BTG4: variants seen among roughly 807,000 people sequenced by gnomAD.
BTG4 encodes the protein BTG anti-proliferation factor 4.
BTG4 carries 10 observed loss-of-function variants against 19.3 expected under a neutral mutation model. The ratio of observed to expected loss-of-function variants is 0.52; its 90% CI spans 0.32 to 0.88. The LOEUF is 0.88. Among genes scored for constraint, BTG4 ranks in the 40% least tolerant of loss-of-function variants. The probability of loss-of-function intolerance (pLI) is 0.04; values close to 1 mark genes in which losing one functional copy is unlikely to be tolerated. For missense variants in BTG4, 238 were observed against 281.9 expected (o/e 0.84, Z 1.11); for synonymous variants, 91 against 95.7 (o/e 0.95, Z 0.29).
At chr11:111,467,560 C>T in exon 6 of BTG4, 1 of 682,970 alleles carries the variant, frequency 1.5e-6, no homozygotes, top group Non-Finnish European at 2.7e-6. Flanking sequence ...TTTTCAGGCT[C>T]CAGAAATCAC....
chr11:111,429,702 C>T, the BTG4 span, among the ~76,000 whole-genome samples: 6 of 152,148 alleles, frequency 3.9e-5, no homozygotes, highest in South Asian at 1.2e-3. Context: ...GAAACGGGGC[C>T]ACACAATTAG....
intron 4 of BTG4, 105 bp from the exon 5 acceptor site, chr11:111,495,419 G>A: frequency 1.0e-6 from 1 of 963,880 alleles, no homozygotes; most frequent in Non-Finnish European, 1.5e-6. Flanking sequence ...GAGCACAAAT[G>A]AATAGAATTG....
intron 1 of BTG4, among the ~76,000 whole-genome samples, chr11:111,505,786 A>T (rs1866412487): frequency 6.6e-6 from 1 of 152,136 alleles, no homozygotes; most frequent in African/African-American, 2.4e-5. Flanking sequence ...AACAAACATA[A>T]AACAAACCAA....
the BTG4 span, chr11:111,460,410 C>G: frequency 6.6e-6 from 1 of 152,574 alleles, no homozygotes; most frequent in African/African-American, 2.4e-5. Context: ...TTCATTCATT[C>G]ATTCACTCAG....
chr11:111,445,103 G>C, the BTG4 span, among the ~76,000 whole-genome samples: 1 of 152,236 alleles, frequency 6.6e-6, no homozygotes, highest in Non-Finnish European at 1.5e-5. Context: ...GGTTAAGGTT[G>C]CCCTCGTGGT....
the BTG4 span, among the ~76,000 whole-genome samples, chr11:111,427,692 G>A: frequency 2.6e-5 from 4 of 152,240 alleles, no homozygotes; most frequent in African/African-American, 9.6e-5. Context: ...GGAGTCTTTA[G>A]AGGGATACTC....
the BTG4 span, among the ~76,000 whole-genome samples, chr11:111,412,451 A>G: frequency 1.3e-5 from 2 of 152,226 alleles, no homozygotes; most frequent in African/African-American, 4.8e-5. Flanking sequence ...CAATAATTTC[A>G]TGGTGTATTG....
intron 1 of BTG4, among the ~76,000 whole-genome samples, chr11:111,508,430 A>T (rs879285590): frequency 7.3e-5 from 11 of 150,922 alleles, no homozygotes; most frequent in Non-Finnish European, 7.4e-5. Context: ...ATCATGGAGG[A>T]CTTTAAATGT....
At chr11:111,474,423 T>G (rs1038236131) in intron 5 of BTG4, among the ~76,000 whole-genome samples, 8 of 152,164 alleles carry the variant, frequency 5.3e-5, no homozygotes, top group Non-Finnish European at 1.2e-4. Flanking sequence ...GAACTTCATA[T>G]AAATGGAACC....
At chr11:111,424,680 A>G in the BTG4 span, among the ~76,000 whole-genome samples, 8,705 of 152,326 alleles carry the variant, frequency 0.057, 322 homozygotes, top group Middle Eastern at 0.15. Context: ...AAATTAGGCC[A>G]GATGTAGTGG....
chr11:111,411,229 G>A, the BTG4 span, among the ~76,000 whole-genome samples: 7 of 152,216 alleles, frequency 4.6e-5, no homozygotes, highest in East Asian at 9.6e-4. Context: ...GCATCCTCCT[G>A]CTCCTTTCTC....
chr11:111,493,996 C>T (rs192757490), downstream of BTG4, among the ~76,000 whole-genome samples: 61 of 152,248 alleles, frequency 4.0e-4, no homozygotes, highest in Non-Finnish European at 6.2e-4. Flanking sequence ...CAAGTCTACT[C>T]ACAAGAGAAC....
chr11:111,477,002 G>A lies in BTG4; in HGVS notation c.663-9321C>T, dbSNP rs914121459. 6.6e-5 allele frequency among the ~76,000 whole-genome samples: 10 copies of A among 152,280 alleles called. No homozygotes were observed. The South Asian group carries it at 8.3e-4, about 13-fold the overall frequency. On this transcript the variant is annotated intron_variant, in intron 5 of 5. Transcript: ENST00000356018. ...AGACTATTTAGGATAGTTAAGCCAC[G>A]AGTCCAGGGCCCCTGGGAGAGGTGG...
At chr11:111,513,769 G>C (rs528450421), upstream of BTG4, among the ~76,000 whole-genome samples, 1 of 151,966 alleles carries the variant, frequency 6.6e-6, no homozygotes, top group African/African-American at 2.4e-5. Flanking sequence ...TTTCTTAGCT[G>C]ACTGATGTAT....
chr11:111,402,655 C>T, the BTG4 span, among the ~76,000 whole-genome samples: 1 of 152,158 alleles, frequency 6.6e-6, no homozygotes, highest in South Asian at 2.1e-4. Flanking sequence ...CTTCCAGATC[C>T]TCTCAGGGTT....
At chr11:111,456,189 T>C in the BTG4 span, among the ~76,000 whole-genome samples, 4 of 152,272 alleles carry the variant, frequency 2.6e-5, no homozygotes, top group Non-Finnish European at 5.9e-5. The surrounding 1 kb of genome is among the most constrained non-coding windows in gnomAD (Gnocchi z 4.2). Context: ...ACGGCCAAGT[T>C]TGGTAAATGA....
At chr11:111,473,332 T>G (rs953490399) in intron 5 of BTG4, 4 of 152,636 alleles carry the variant, frequency 2.6e-5, no homozygotes, top group African/African-American at 7.2e-5. Context: ...CTTCTGCTCT[T>G]CACCAGTATG....
intron 1 of BTG4, among the ~76,000 whole-genome samples, chr11:111,505,370 G>C (rs1866376033): frequency 1.3e-5 from 2 of 151,916 alleles, no homozygotes; most frequent in Admixed American, 1.3e-4. Context: ...ATAAACAATG[G>C]GAAATAGACA....
the BTG4 span, among the ~76,000 whole-genome samples, chr11:111,433,024 T>C: frequency 6.6e-6 from 1 of 152,080 alleles, no homozygotes; most frequent in Non-Finnish European, 1.5e-5. Context: ...CTGGAAGTAG[T>C]TGTAGAAGCC....
Sources: gnomAD v4.1 joint callset for allele counts (sites outside exome capture counted in the v4.1 genomes callset) on GRCh38, gnomAD v4.1.1 for gene constraint, Gnocchi (gnomAD v3.1) non-coding constraint, MANE v1.5 for transcripts, NCBI Gene and HGNC (gene_info 2026-07-23, HGNC 2026-07-21) for gene names.